PROX1: variants seen among roughly 807,000 people sequenced by gnomAD.
PROX1 encodes prospero homeobox protein 1.
In PROX1, 7 loss-of-function variants were observed where a neutral mutation model predicts 58.8. The observed-to-expected ratio is 0.12, with a 90% CI of 0.07 to 0.22. The LOEUF is 0.22. Ranked by LOEUF, PROX1 falls within the 10% of genes least tolerant of loss-of-function variation. PROX1 has a pLI of 1.00. For missense variants in PROX1, 675 were observed against 927.8 expected (o/e 0.73, Z 3.54); for synonymous variants, 350 against 358.3 (o/e 0.98, Z 0.26).
upstream of PROX1, among the ~76,000 whole-genome samples, chr1:213,986,728 C>T (rs1662833711): frequency 6.6e-6 from 1 of 152,184 alleles, no homozygotes; most frequent in South Asian, 2.1e-4. Context: ...TCTTGCAAGT[C>T]CCAGCTTTTA....
intron 4 of PROX1, among the ~76,000 whole-genome samples, chr1:214,012,838 G>A (rs1663960600): frequency 6.6e-6 from 1 of 152,156 alleles, no homozygotes. Context: ...GGAATACCCA[G>A]GAAGTTCCAA....
In PROX1 at chr1:214,005,243, A is replaced by G. The variant is rs1663664685; in HGVS notation, c.1804A>G (p.Met602Val). Residue 602 changes from methionine to valine, a missense_variant, in exon 3 of 5, where the codon ATG (methionine) becomes GTG (valine). Coordinates refer to ENST00000366958, the MANE Select transcript of PROX1 (RefSeq NM_001270616.2). ...TTATACCCGTTATCCCAGCTCCAAT[A>G]TGCTGAAGACCTACTTCTCCGACGT... is the stretch of plus-strand genomic sequence containing the variant. ...FFYTRYPSSN[M>V]LKTYFSDVKF... 10 of 1,613,578 alleles carry G rather than the reference A, an allele frequency of 6.2e-6. No homozygotes were observed. Among genetic ancestry groups the G allele is most frequent in the Non-Finnish European group, 8.5e-6 (10 of 1,179,530 alleles).
chr1:213,991,600 C>A (rs1006212652), intron 1 of PROX1, among the ~76,000 whole-genome samples: 1 of 152,144 alleles, frequency 6.6e-6, no homozygotes, highest in Non-Finnish European at 1.5e-5. Flanking sequence ...TTAATCACCA[C>A]CTTGTGGGAA....
intron 4 of PROX1, among the ~76,000 whole-genome samples, chr1:214,015,199 T>G (rs1664051524): frequency 6.6e-6 from 1 of 151,978 alleles, no homozygotes; most frequent in South Asian, 2.1e-4. Flanking sequence ...ACACTTTTAG[T>G]TTGTGCTAAA....
rs766959316 is a variant in PROX1, at chr1:213,997,270, C to T, written c.735C>T (p.Asp245=). The change falls in exon 2 of 5, where the codon GAC becomes GAT. Residue 245 remains aspartate, a synonymous_variant. Coordinates refer to ENST00000366958, the MANE Select transcript of PROX1 (RefSeq NM_001270616.2). This position sits in a 1 kb window ranked among gnomAD's most constrained non-coding sequence, Gnocchi z 7.1. The stretch of plus-strand genomic sequence containing the variant: ...GACAGCTGAAACAGCAGCTGGAGGA[C>T]ATGCAGAAACAGCTGCGCCAGCTGC... ...ERRQLKQQLE[D]MQKQLRQLQE... is the part of the protein sequence containing the mutation. The T allele has an allele frequency of 6.2e-7, 1 of 1,613,774 alleles. No homozygotes were observed. Among genetic ancestry groups the T allele is most frequent in the Non-Finnish European group, 8.5e-7 (1 of 1,179,908 alleles).
rs79346813 is a variant in PROX1 at position 214,019,279 on chromosome 1, C to T, written c.2028+7564C>T. On this transcript the variant is annotated intron_variant, in intron 4 of 4. Coordinates refer to ENST00000366958, the MANE Select transcript of PROX1 (RefSeq NM_001270616.2). ...CTCCCCAAAATATGTTGTGCATTTTCTTTGCAGTGTGCAACATTGACATCC... is the reference window on the plus strand; with the variant it reads ...CTCCCCAAAATATGTTGTGCATTTTTTTTGCAGTGTGCAACATTGACATCC... Among the ~76,000 whole-genome samples the T allele has an allele frequency of 4.9e-3, 743 of 152,226 alleles. 1 individual carries two copies. Among genetic ancestry groups the T allele is most frequent in the Non-Finnish European group, 7.8e-3 (529 of 68,018 alleles).
chr1:214,021,146 G>A (rs1664265882), intron 4 of PROX1, among the ~76,000 whole-genome samples: 2 of 152,162 alleles, frequency 1.3e-5, no homozygotes. Flanking sequence ...AAAGGCTCGA[G>A]ATATATCCAA....
chr1:214,033,260 G>T (rs1032948400), intron 4 of PROX1, among the ~76,000 whole-genome samples: 1 of 152,178 alleles, frequency 6.6e-6, no homozygotes, highest in Non-Finnish European at 1.5e-5. Context: ...CTGTATTGCC[G>T]TTGGCTGATG....
chr1:214,001,313 A>G (rs928162929), intron 2 of PROX1, among the ~76,000 whole-genome samples: 1 of 152,206 alleles, frequency 6.6e-6, no homozygotes, highest in African/African-American at 2.4e-5. Flanking sequence ...CCAAGGGCTC[A>G]TGTCTTGGAT....
At chr1:214,031,309 T>A (rs917651063) in intron 4 of PROX1, among the ~76,000 whole-genome samples, 11 of 152,170 alleles carry the variant, frequency 7.2e-5, no homozygotes, top group African/African-American at 2.4e-4. Context: ...CAAGACCATC[T>A]GGGGTGACGT....
intron 2 of PROX1, among the ~76,000 whole-genome samples, chr1:214,004,780 G>T (rs976818002): frequency 6.6e-6 from 1 of 152,014 alleles, no homozygotes; most frequent in Non-Finnish European, 1.5e-5. Context: ...AACTGTAATT[G>T]CAAGGAAGAA....
In PROX1 at chr1:214,036,104, A is replaced by G. The variant is rs1664820109; in HGVS notation, c.*270A>G. The G allele has an allele frequency of 3.8e-6, 1 of 260,886 alleles. No homozygotes were observed. Among genetic ancestry groups the G allele is most frequent in the South Asian group, 1.0e-4 (1 of 9,560 alleles). The allele number at this position is 260,886 out of a possible 1,614,324, so 16.2% of individuals were successfully genotyped here. The stretch of plus-strand genomic sequence containing the variant: ...TTAAAATAGGGTTAATTTTCAGGGA[A>G]AAAGAATGTTGGCGTGTGTAAAGTC... On this transcript the variant is annotated 3_prime_UTR_variant, in exon 5 of 5. Coordinates refer to ENST00000366958, the MANE Select transcript of PROX1 (RefSeq NM_001270616.2).
In PROX1 at chr1:214,039,203, T is replaced by C. The variant is rs946055502; in HGVS notation, c.*3369T>C. ...TTTGTTATGTTTTGTGAAAAGAATG[T>C]TCTATTTGCAACAAAACATTTAATT... On this transcript the variant is annotated 3_prime_UTR_variant, in exon 5 of 5. Coordinates refer to ENST00000366958, the MANE Select transcript of PROX1 (RefSeq NM_001270616.2). 2 of 152,208 alleles carry C rather than the reference T, an allele frequency of 1.3e-5. No homozygotes were observed. The highest frequency in any genetic ancestry group is 2.9e-5 in the Non-Finnish European group (2 of 68,030). The allele number at this position is 152,208 out of a possible 1,614,324, so 9.4% of individuals were successfully genotyped here. A position where few individuals can be genotyped will look rare whatever the true frequency, so the allele number is the denominator to read the frequency against.
Position 213,997,119 on chromosome 1 carries a change from C to T in PROX1, c.584C>T (p.Pro195Leu), listed in dbSNP as rs777641051. 71 of 1,613,640 alleles carry T rather than the reference C, an allele frequency of 4.4e-5. 1 individual carries two copies. In the Admixed American group the frequency reaches 7.0e-4, roughly 16 times the overall value. Residue 195 changes from proline (P) to leucine (L), a missense_variant, in exon 2 of 5, where the codon CCG (proline) becomes CTG (leucine). Coordinates refer to ENST00000366958, the MANE Select transcript of PROX1 (RefSeq NM_001270616.2). The surrounding 1 kb of genome is among the most constrained non-coding windows in gnomAD (Gnocchi z 7.1). ...AATGAAAATGAAAGAGAGATGGCCC[C>T]GCAGTCTGTGAGTCCCCGAGAAAGT... ...RGNENEREMA[P>L]QSVSPRESYR...
upstream of PROX1, chr1:213,987,325 CT>C (rs577635034): frequency 1.3e-5 from 2 of 152,136 alleles, no homozygotes; most frequent in African/African-American, 4.8e-5. Context: ...TCCACCTCCC[CT>C]TTAAAAGGAA....
chr1:214,017,555 C>A (rs1286258951), intron 4 of PROX1, among the ~76,000 whole-genome samples: 1 of 150,018 alleles, frequency 6.7e-6, no homozygotes, highest in Non-Finnish European at 1.5e-5. Context: ...TACCCTGTGG[C>A]TTTTCTCTCT....
At chr1:214,008,696 G>A (rs1320394913) in intron 3 of PROX1, among the ~76,000 whole-genome samples, 1 of 152,186 alleles carries the variant, frequency 6.6e-6, no homozygotes, top group Non-Finnish European at 1.5e-5. Flanking sequence ...AAGAGGTAGA[G>A]GGAAATCATA....
intron 4 of PROX1, among the ~76,000 whole-genome samples, chr1:214,015,736 T>G (rs1266561835): frequency 1.3e-5 from 2 of 152,170 alleles, no homozygotes; most frequent in Non-Finnish European, 2.9e-5. Context: ...TTGGAGGGTT[T>G]GTTACCGCCT....
intron 4 of PROX1, among the ~76,000 whole-genome samples, chr1:214,016,193 C>T (rs1225312200): frequency 1.3e-5 from 2 of 152,056 alleles, no homozygotes; most frequent in Non-Finnish European, 2.9e-5. Flanking sequence ...TAAAAAACAA[C>T]ACCCCACCCC....
Sources: gnomAD v4.1 joint callset for allele counts (sites outside exome capture counted in the v4.1 genomes callset) on GRCh38, gnomAD v4.1.1 for gene constraint, Gnocchi (gnomAD v3.1) non-coding constraint, MANE v1.5 for transcripts, NCBI Gene and HGNC (gene_info 2026-07-23, HGNC 2026-07-21) for gene names.